Variants in ARAP2 observed in about 807,000 individuals in gnomAD.
ARAP2 encodes arf-GAP with Rho-GAP domain, ANK repeat and PH domain-containing protein 2.
ARAP2 carries 148 observed loss-of-function variants against 194.5 expected under a neutral mutation model. The observed-to-expected ratio is 0.76, with a 90% confidence interval of 0.67 to 0.87. The LOEUF (loss-of-function observed/expected upper bound fraction) is 0.87. Among genes scored for constraint, ARAP2 ranks in the 40% least tolerant of loss-of-function variants. ARAP2 has a pLI of 0.00. For missense variants in ARAP2, 2,128 were observed against 1,989.7 expected (o/e 1.07, Z -1.32); for synonymous variants, 695 against 683.5 (o/e 1.02, Z -0.26).
rs1249197618 is a variant in ARAP2, at chr4:36,210,387, T to C, written c.1487+3A>G. 3.1e-6 allele frequency: 5 copies of C among 1,599,612 alleles called. No homozygotes were observed. The Admixed American group carries it at 5.3e-5, about 17-fold the overall frequency. On this transcript the variant is annotated splice_donor_region_variant and intron_variant, in intron 6 of 32. Transcript: ENST00000303965. ...CTTATGAAATAAATGCATACGTACA[T>C]ACCCTTGAGGAGAGAGTTTATCCAG...
intron 19 of ARAP2, among the ~76,000 whole-genome samples, chr4:36,147,083 TAA>T (rs1560527814): frequency 6.6e-6 from 1 of 151,980 alleles, no homozygotes; most frequent in Non-Finnish European, 1.5e-5. Flanking sequence ...TTGATCACAA[TAA>T]GTTTGTCATA....
At chr4:36,070,678 A>G (rs1453311435) in intron 32 of ARAP2, among the ~76,000 whole-genome samples, 1 of 152,334 alleles carries the variant, frequency 6.6e-6, no homozygotes, top group East Asian at 1.9e-4. Flanking sequence ...TAGGACACCA[A>G]AAAGTAATAT....
At chr4:36,197,376 TATAA>T (rs1487340955) in intron 6 of ARAP2, among the ~76,000 whole-genome samples, 3 of 152,220 alleles carry the variant, frequency 2.0e-5, no homozygotes, top group African/African-American at 7.2e-5. Context: ...ATTTCTATCG[TATAA>T]ATATAGAAAT....
At chr4:36,220,224 C>T (rs1748844166) in intron 2 of ARAP2, among the ~76,000 whole-genome samples, 1 of 151,106 alleles carries the variant, frequency 6.6e-6, no homozygotes, top group Non-Finnish European at 1.5e-5. Context: ...TACATATAGG[C>T]ACACGTGTGT....
chr4:36,218,289 A>G (rs767913378), intron 2 of ARAP2, among the ~76,000 whole-genome samples: 63 of 152,262 alleles, frequency 4.1e-4, no homozygotes, highest in Middle Eastern at 3.4e-3. Context: ...AGCACAAAAG[A>G]GGGAACAACA....
intron 5 of ARAP2, among the ~76,000 whole-genome samples, chr4:36,024,827 T>G (rs1560282137): frequency 6.6e-6 from 1 of 152,048 alleles, no homozygotes; most frequent in African/African-American, 2.4e-5. Flanking sequence ...TATATTTAAA[T>G]AGGATAGAAT....
rs777938493 is a variant in ARAP2 at position 36,126,030 on chromosome 4, C to T, written c.3641-1063G>A. Among the ~76,000 whole-genome samples, 6 of 152,084 alleles carry T rather than the reference C, an allele frequency of 3.9e-5. No individual in the cohort carries two copies. In the Middle Eastern group the frequency reaches 0.01, roughly 259 times the overall value. ...GTATGACACAGTTTTCAAGTGCACA[C>T]CTATTCAAAATTGCAAGTGATATCT... On this transcript the variant is annotated intron_variant, in intron 21 of 32. Transcript: ENST00000303965.
intron 16 of ARAP2, among the ~76,000 whole-genome samples, chr4:36,150,550 G>A (rs1362788169): frequency 5.9e-5 from 9 of 151,828 alleles, no homozygotes; most frequent in Non-Finnish European, 1.2e-4. Flanking sequence ...GCTGAGGCAG[G>A]AGAATCACTT....
At position 36,072,657 on chromosome 4, in the gene ARAP2, T is replaced by TA. The variant is rs1482623933; in HGVS notation, c.4743+1031dup. Among the ~76,000 whole-genome samples, 377 of 65,816 alleles carry TA rather than the reference T, an allele frequency of 5.7e-3. 1 individual carries two copies. The highest frequency in any genetic ancestry group is 5.8e-3 in the Admixed American group (32 of 5,548). The allele number at this position is 65,816 out of a possible 152,430, so 43.2% of individuals were successfully genotyped here. ...GAACTCTGCAGAGCGGTTTATTACCTAAAAAAAAACAAAAAAAAAACCCCA... is the reference window on the plus strand; with the variant it reads ...GAACTCTGCAGAGCGGTTTATTACCTAAAAAAAAAACAAAAAAAAAACCCCA... On this transcript the variant is annotated intron_variant, in intron 32 of 32. Transcript: ENST00000303965.
At position 36,188,796 on chromosome 4, in the gene ARAP2, A is replaced by G. The variant is rs375907764; in HGVS notation, c.1558-1225T>C. 1.1e-4 allele frequency among the ~76,000 whole-genome samples: 17 copies of G among 152,310 alleles called. No individual in the cohort carries two copies. The East Asian group carries it at 1.2e-3, about 10-fold the overall frequency. The stretch of plus-strand genomic sequence containing the variant: ...AAACCATTCCATGCAGGGAGCAAGT[A>G]CTGAGTTTATATTTCTCCTAGCCAT... On this transcript the variant is annotated intron_variant, in intron 7 of 32. Coordinates refer to ENST00000303965, the MANE Select transcript of ARAP2 (RefSeq NM_015230.4).
intron 2 of ARAP2, among the ~76,000 whole-genome samples, chr4:36,225,036 T>C (rs1170398760): frequency 6.6e-6 from 1 of 152,168 alleles, no homozygotes; most frequent in African/African-American, 2.4e-5. Context: ...ATCCAAGATT[T>C]TTATTTTTAA....
At chr4:36,109,766 G>T (rs113595875) in intron 26 of ARAP2, among the ~76,000 whole-genome samples, 4,913 of 151,732 alleles carry the variant, frequency 0.032, 271 homozygotes, top group African/African-American at 0.11. Context: ...ACAAAGTACA[G>T]GTTTGTTACA....
chr4:36,237,737 T>C (rs948339927), intron 1 of ARAP2, among the ~76,000 whole-genome samples: 1 of 152,262 alleles, frequency 6.6e-6, no homozygotes, highest in Admixed American at 6.5e-5. Flanking sequence ...AATTACCCAG[T>C]TTCAGGTATT....
At chr4:36,080,614 T>G (rs1358264928) in intron 30 of ARAP2, among the ~76,000 whole-genome samples, 1 of 152,198 alleles carries the variant, frequency 6.6e-6, no homozygotes, top group Non-Finnish European at 1.5e-5. Context: ...TGTATTCCAC[T>G]AAAATTCTGA....
chr4:36,151,699 A>T (rs1731017204), intron 15 of ARAP2, among the ~76,000 whole-genome samples: 2 of 152,148 alleles, frequency 1.3e-5, no homozygotes, highest in South Asian at 4.1e-4. Context: ...ATGCATACTG[A>T]ATTACTAAAG....
At chr4:36,131,347 A>G (rs532825227) in intron 20 of ARAP2, among the ~76,000 whole-genome samples, 81 of 150,404 alleles carry the variant, frequency 5.4e-4, no homozygotes, top group Non-Finnish European at 8.0e-4. Context: ...GTATAACTAT[A>G]TATAATATAA....
At chr4:36,093,178 G>T (rs200448204) in intron 27 of ARAP2, among the ~76,000 whole-genome samples, 1 of 151,918 alleles carries the variant, frequency 6.6e-6, no homozygotes, top group Non-Finnish European at 1.5e-5. Flanking sequence ...CACATAGAGG[G>T]GAACAACACA....
At chr4:36,084,601 G>C (rs749136772) in intron 28 of ARAP2, among the ~76,000 whole-genome samples, 2 of 152,120 alleles carry the variant, frequency 1.3e-5, no homozygotes, top group Middle Eastern at 3.4e-3. Flanking sequence ...AGTTGCCCTA[G>C]AGCAATTATA....
rs115403204 is a variant in ARAP2, at chr4:36,033,416, T to A, written n.607+12563A>T. ...TAATGATCAGTGATGTTGAGCTTTT[T>A]TTCATATGCTTGTTGACAAGTATGT... On this transcript the variant is annotated intron_variant and non_coding_transcript_variant, in intron 5 of 12. Coordinates refer to the ARAP2 transcript ENST00000503225. Among the ~76,000 whole-genome samples the A allele has an allele frequency of 4.4e-3, 663 of 152,320 alleles. 3 individuals are homozygous for A. Among genetic ancestry groups the A allele is most frequent in the Middle Eastern group, 0.014 (4 of 294 alleles).
Sources: allele counts gnomAD v4.1 joint callset (sites outside exome capture counted in the v4.1 genomes callset), GRCh38; gene constraint gnomAD v4.1.1; transcripts MANE v1.5; gene names NCBI Gene and HGNC (gene_info 2026-07-23, HGNC 2026-07-21).